DRC11: variants seen among roughly 807,000 people sequenced by gnomAD.
DRC11 encodes IQ and AAA domain-containing protein 1.
At chr2:236,311,223 C>A in the DRC11 span, among the ~76,000 whole-genome samples, 215 of 152,308 alleles carry the variant, frequency 1.4e-3, 1 homozygote, top group African/African-American at 5.0e-3. This position sits in a 1 kb window ranked among gnomAD's most constrained non-coding sequence, Gnocchi z 6.9. Flanking sequence ...CTTCTGAGCC[C>A]CATATACACT....
chr2:236,502,037 C>T, the DRC11 span, among the ~76,000 whole-genome samples: 1 of 152,082 alleles, frequency 6.6e-6, no homozygotes, highest in Admixed American at 6.6e-5. Context: ...TAACTTGCAG[C>T]ACAGGCCTGA....
the DRC11 span, among the ~76,000 whole-genome samples, chr2:236,333,864 C>A: frequency 6.6e-6 from 1 of 152,224 alleles, no homozygotes; most frequent in African/African-American, 2.4e-5. The surrounding 1 kb of genome is among the most constrained non-coding windows in gnomAD (Gnocchi z 6.0). Flanking sequence ...TACCGTGGGG[C>A]CTGCCAGTTT....
the DRC11 span, among the ~76,000 whole-genome samples, chr2:236,387,773 T>C: frequency 2.2e-4 from 33 of 152,276 alleles, no homozygotes; most frequent in East Asian, 3.7e-3. Context: ...GTCTTTACAT[T>C]TTGGCATGAT....
the DRC11 span, chr2:236,377,279 GATCTATTTCAAAGTACATTTGTTC>G: frequency 1.4e-6 from 1 of 700,436 alleles, no homozygotes; most frequent in Non-Finnish European, 2.5e-6. The surrounding 1 kb of genome is among the most constrained non-coding windows in gnomAD (Gnocchi z 4.9). Context: ...ACTTAAACCA[GATCTATTTCAAAGTACATTTGTTC>G]ATATGCAAAT....
At chr2:236,468,165 C>A in the DRC11 span, among the ~76,000 whole-genome samples, 1 of 152,182 alleles carries the variant, frequency 6.6e-6, no homozygotes, top group East Asian at 1.9e-4. Flanking sequence ...GGCACAATCT[C>A]AGCTGAACCT....
the DRC11 span, chr2:236,332,810 G>T: frequency 6.6e-6 from 1 of 152,222 alleles, no homozygotes; most frequent in Non-Finnish European, 1.5e-5. The surrounding 1 kb of genome is among the most constrained non-coding windows in gnomAD (Gnocchi z 5.1). Context: ...CTTTTGGGGG[G>T]TCCTTGGCCC....
the DRC11 span, among the ~76,000 whole-genome samples, chr2:236,464,492 G>T: frequency 2.0e-5 from 3 of 151,134 alleles, no homozygotes; most frequent in Non-Finnish European, 4.4e-5. Flanking sequence ...AAAGTGTTCT[G>T]CTGTGTAGAA....
At chr2:236,505,015 G>A in the DRC11 span, among the ~76,000 whole-genome samples, 1 of 152,202 alleles carries the variant, frequency 6.6e-6, no homozygotes, top group Non-Finnish European at 1.5e-5. Flanking sequence ...TGGAACAACA[G>A]GTGTGAAAGT....
At chr2:236,488,980 G>A in the DRC11 span, among the ~76,000 whole-genome samples, 272 of 150,562 alleles carry the variant, frequency 1.8e-3, 1 homozygote, top group Non-Finnish European at 2.7e-3. Flanking sequence ...TGTGGGCTCC[G>A]GGTGCATGCT....
the DRC11 span, among the ~76,000 whole-genome samples, chr2:236,413,780 T>A: frequency 6.6e-6 from 1 of 152,248 alleles, no homozygotes; most frequent in African/African-American, 2.4e-5. The surrounding 1 kb of genome is among the most constrained non-coding windows in gnomAD (Gnocchi z 4.0). Context: ...GACAGGTCAA[T>A]ACCACTTTAA....
At chr2:236,478,225 T>C in the DRC11 span, among the ~76,000 whole-genome samples, 1 of 152,150 alleles carries the variant, frequency 6.6e-6, no homozygotes, top group East Asian at 1.9e-4. This position sits in a 1 kb window ranked among gnomAD's most constrained non-coding sequence, Gnocchi z 5.9. Context: ...TTATAGCCCA[T>C]AGATTTTCAT....
At chr2:236,488,314 T>C in the DRC11 span, 2 of 614,260 alleles carry the variant, frequency 3.3e-6, no homozygotes, top group South Asian at 2.6e-5. Flanking sequence ...TGATCATGAG[T>C]GTGAGAACCG....
the DRC11 span, among the ~76,000 whole-genome samples, chr2:236,389,724 C>T: frequency 6.6e-6 from 1 of 152,152 alleles, no homozygotes; most frequent in Non-Finnish European, 1.5e-5. Flanking sequence ...TCTAATTTCC[C>T]TGCGAATTTT....
At chr2:236,369,228 A>G in the DRC11 span, 1 of 152,224 alleles carries the variant, frequency 6.6e-6, no homozygotes, top group Admixed American at 6.5e-5. This position sits in a 1 kb window ranked among gnomAD's most constrained non-coding sequence, Gnocchi z 4.5. Context: ...GGAAACACTG[A>G]AAGTATCCCA....
chr2:236,461,783 C>G, the DRC11 span, among the ~76,000 whole-genome samples: 1 of 152,170 alleles, frequency 6.6e-6, no homozygotes, highest in Admixed American at 6.5e-5. This position sits in a 1 kb window ranked among gnomAD's most constrained non-coding sequence, Gnocchi z 4.0. Flanking sequence ...CCCAAGCTTA[C>G]ACAGCTATTT....
At chr2:236,337,042 C>T in the DRC11 span, among the ~76,000 whole-genome samples, 41 of 152,186 alleles carry the variant, frequency 2.7e-4, no homozygotes, top group African/African-American at 8.9e-4. This position sits in a 1 kb window ranked among gnomAD's most constrained non-coding sequence, Gnocchi z 4.9. Flanking sequence ...AGGCCAGGTG[C>T]AGCCTGTCCG....
At chr2:236,316,783 TGGA>T in the DRC11 span, among the ~76,000 whole-genome samples, 1 of 152,070 alleles carries the variant, frequency 6.6e-6, no homozygotes, top group Admixed American at 6.6e-5. This position sits in a 1 kb window ranked among gnomAD's most constrained non-coding sequence, Gnocchi z 6.8. Context: ...TGGAAGGATG[TGGA>T]GTAGTGGGAG....
the DRC11 span, among the ~76,000 whole-genome samples, chr2:236,415,025 T>C: frequency 3.6e-3 from 545 of 152,318 alleles, 2 homozygotes; most frequent in African/African-American, 0.012. The surrounding 1 kb of genome is among the most constrained non-coding windows in gnomAD (Gnocchi z 5.7). Context: ...GATTTTTTCA[T>C]ATTTATGTTA....
At chr2:236,332,813 C>T in the DRC11 span, 1 of 152,252 alleles carries the variant, frequency 6.6e-6, no homozygotes, top group African/African-American at 2.4e-5. This position sits in a 1 kb window ranked among gnomAD's most constrained non-coding sequence, Gnocchi z 5.1. Context: ...TTGGGGGGTC[C>T]TTGGCCCTGT....
Sources: gnomAD v4.1 joint callset for allele counts (sites outside exome capture counted in the v4.1 genomes callset) on GRCh38, gnomAD v4.1.1 for gene constraint, Gnocchi (gnomAD v3.1) non-coding constraint, MANE v1.5 for transcripts, NCBI Gene and HGNC (gene_info 2026-07-23, HGNC 2026-07-21) for gene names.